Variants in KRT1 observed in about 807,000 individuals in gnomAD.
KRT1 encodes the protein keratin, type II cytoskeletal 1.
A neutral mutation model predicts 51.6 loss-of-function variants in KRT1; 28 were observed. The ratio of observed to expected loss-of-function variants is 0.54; its 90% CI spans 0.40 to 0.74. The LOEUF (loss-of-function observed/expected upper bound fraction) is 0.74. Ranked by LOEUF, KRT1 falls within the 30% of genes least tolerant of loss-of-function variation. KRT1 has a pLI of 0.00. For missense variants in KRT1, 783 were observed against 815.5 expected, an observed-to-expected ratio of 0.96 and a Z score of 0.49; for synonymous variants, 301 against 307.7, an observed-to-expected ratio of 0.98 and a Z score of 0.23.
chr12:52,677,972 G>A (rs79068886), intron 3 of KRT1, among the ~76,000 whole-genome samples, 191 bp downstream of exon 3: 2,903 of 152,230 alleles, frequency 0.019, 86 homozygotes, highest in African/African-American at 0.066. Context: ...GTAAGGTGCT[G>A]GGAAATATGG....
At position 52,674,891 on chromosome 12, in the gene KRT1, T is replaced by C; in HGVS notation, c.*302A>G. On this transcript the variant is annotated 3_prime_UTR_variant, in exon 9 of 9. Coordinates refer to ENST00000252244, the MANE Select transcript of KRT1 (RefSeq NM_006121.4). ...CTGTCCACACCCTGGGTCTAACTGG[T>C]CCTACTCTGGCTGGCTTAAGGAGGT... 3.7e-6 allele frequency: 2 copies of C among 541,694 alleles called. No individual in the cohort carries two copies. The highest frequency in any genetic ancestry group is 2.1e-5 in the South Asian group (1 of 48,646). The allele number at this position is 541,694 out of a possible 1,614,324, so 33.6% of individuals were successfully genotyped here.
intron 7 of KRT1, 124 bp from the exon 8 acceptor site, chr12:52,675,868 A>G (rs1282088445): frequency 8.9e-7 from 1 of 1,122,020 alleles, no homozygotes; most frequent in African/African-American, 1.5e-5. Flanking sequence ...TTAATCTGAA[A>G]CTTAATCCAA....
rs758763219 is a variant in KRT1 at position 52,677,052 on chromosome 12, C to T, written c.1254+7G>A. The T allele has an allele frequency of 2.5e-6, 4 of 1,612,528 alleles. No homozygotes were observed. In the East Asian group the frequency reaches 6.7e-5, roughly 27 times the overall value. ...ACAGCTGAGTGGTAGAAGGAGAAAG[C>T]ACATACCTGCTTCTTGACATTGTCG... is the stretch of plus-strand genomic sequence containing the variant. On this transcript the variant is annotated splice_region_variant and intron_variant, in intron 6 of 8. Transcript: ENST00000252244.
rs199877663 is a variant in KRT1 at position 52,676,401 on chromosome 12, G to C, written c.1349C>G (p.Ala450Gly). 2 of 1,614,162 alleles carry C rather than the reference G, an allele frequency of 1.2e-6. No homozygotes were observed. Among genetic ancestry groups the C allele is most frequent in the Admixed American group, 3.3e-5 (2 of 60,028 alleles). ...CAGGTCTTCCTTGGCCTGCTGCAGG[G>C]CATCCTCCAGGTCATTCAGCTTGTT... ...AKNKLNDLED[A>G]LQQAKEDLAR... The change falls in exon 7 of 9, where the codon GCC becomes GGC. Residue 450 changes from alanine (A) to glycine (G), a missense_variant. Ala to Gly is a moderately conservative substitution (Grantham distance 60, BLOSUM62 0). Transcript: ENST00000252244.
rs1941477786 is a variant in KRT1, at chr12:52,674,931, T to C, written c.*262A>G. The C allele has an allele frequency of 5.0e-6, 3 of 599,606 alleles. No individual in the cohort carries two copies. The highest frequency in any genetic ancestry group is 2.8e-5 in the Admixed American group (1 of 36,002). 37.1% of individuals were successfully genotyped at this position (599,606 alleles called of 1,614,324 possible). A position where few individuals can be genotyped will look rare whatever the true frequency, so the allele number is the denominator to read the frequency against. On this transcript the variant is annotated 3_prime_UTR_variant, in exon 9 of 9. Transcript: ENST00000252244. The stretch of plus-strand genomic sequence containing the variant: ...CTTAAGGAGGTGCTTTGAAATGTCA[T>C]GTGGGTGGTGGTCACTGCTGAACTG...
rs1941567191 is a variant in KRT1 at position 52,680,281 on chromosome 12, C to T, written c.68G>A (p.Gly23Glu). ...GGTCCTGCGCTGGTAGTTGATGATC[C>T]CAGCAGAGCCAGAGCTGAAGCCCCC... ...SGGGFSSGSAGIINYQRRTTS... is the reference protein window; with the variant it reads ...SGGGFSSGSAEIINYQRRTTS... The change falls in exon 1 of 9, where the codon GGG becomes GAG. Residue 23 changes from glycine to glutamate, a missense_variant. By Grantham distance (98) the Gly-to-Glu change is moderately conservative. Transcript: ENST00000252244. 6.2e-7 allele frequency: 1 copy of T among 1,614,166 alleles called. No individual in the cohort carries two copies. The highest frequency in any genetic ancestry group is 8.5e-7 in the Non-Finnish European group (1 of 1,180,028).
In KRT1 at chr12:52,678,545, T is replaced by C. The variant is rs776254130; in HGVS notation, c.803A>G (p.Asn268Ser). Residue 268 changes from asparagine (N) to serine (S), a missense_variant, in exon 2 of 9, where the codon AAC (asparagine) becomes AGC (serine). Physicochemically the swap from Asn to Ser is conservative, Grantham distance 46. Coordinates refer to ENST00000252244, the MANE Select transcript of KRT1 (RefSeq NM_006121.4). ...CTGCCCAGACAGGGTCCCTTACTTGTTCCGGTAATCCTCCACCATGTCCTG... is the reference window on the plus strand; with the variant it reads ...CTGCCCAGACAGGGTCCCTTACTTGCTCCGGTAATCCTCCACCATGTCCTG... ...NMQDMVEDYR[N>S]KYEDEINKRT... 6.2e-7 allele frequency: 1 copy of C among 1,614,232 alleles called. No individual in the cohort carries two copies. Among genetic ancestry groups the C allele is most frequent in the South Asian group, 1.1e-5 (1 of 91,090 alleles).
At chr12:52,677,803 T>TGAGAGGG in intron 3 of KRT1, 58 bp from the exon 4 acceptor site, 2 of 1,397,966 alleles carry the variant, frequency 1.4e-6, no homozygotes, top group Non-Finnish European at 2.0e-6. Context: ...TCCCTCTCAT[T>TGAGAGGG]ACCTGTGAGG....
rs1490133043 is a variant in KRT1, at chr12:52,680,100, T to G, written c.249A>C (p.Gly83=). Residue 83 remains glycine, a synonymous_variant, in exon 1 of 9, where the codon GGA becomes GGC. Coordinates refer to ENST00000252244, the MANE Select transcript of KRT1 (RefSeq NM_006121.4). ...CACCAAAGCCACTACCACGTCCACC[T>G]CCTCTAGCCACACTTATGGAGATGC... The part of the protein sequence containing the change: ...SKSISISVAR[G]GGRGSGFGGG... 2.6e-6 allele frequency: 4 copies of G among 1,558,538 alleles called. No homozygotes were observed. Among genetic ancestry groups the G allele is most frequent in the Non-Finnish European group, 3.5e-6 (4 of 1,151,342 alleles).
In KRT1 at chr12:52,680,016, T is replaced by TCCACCAAAGCCACCA. The variant is rs527241748; in HGVS notation, c.318_332dup (p.Phe109_Gly113dup). The TCCACCAAAGCCACCA allele has an allele frequency of 5.2e-5, 80 of 1,550,180 alleles. No homozygotes were observed. Among genetic ancestry groups the TCCACCAAAGCCACCA allele is most frequent in the Admixed American group, 1.6e-4 (8 of 50,470 alleles). The stretch of plus-strand genomic sequence containing the variant: ...CAAAGCCACCACCCCCAATGCCACC[T>TCCACCAAAGCCACCA]CCACCAAAGCCACCACCACCAAAGC... On this transcript the variant is annotated inframe_insertion, in exon 1 of 9. Transcript: ENST00000252244.
chr12:52,678,596 C>A lies in KRT1; in HGVS notation c.752G>T (p.Arg251Leu). Residue 251 changes from arginine to leucine, a missense_variant, in exon 2 of 9, where the codon CGG becomes CTG. Coordinates refer to ENST00000252244, the MANE Select transcript of KRT1 (RefSeq NM_006121.4). ...RVDQLKSDQS[R>L]LDSELKNMQD... is the part of the protein sequence containing the mutation. ...CATGTTCTTCAGTTCCGAATCCAACCGAGATTGATCACTCTTCAGTTGGTC... is the reference window on the plus strand; with the variant it reads ...CATGTTCTTCAGTTCCGAATCCAACAGAGATTGATCACTCTTCAGTTGGTC... The A allele has an allele frequency of 6.2e-7, 1 of 1,614,216 alleles. No homozygotes were observed. The highest frequency in any genetic ancestry group is 8.5e-7 in the Non-Finnish European group (1 of 1,180,038).
rs1592264473 is a variant in KRT1, at chr12:52,675,589, A to G, written c.1539T>C (p.Ser513=). The part of the protein sequence containing the change: ...VSVSTSHTTI[S]GGGSRGGGGG... ...CGCCACCTCCTCGGCTGCCACCTCC[A>G]CTGATGGTGGTGTGGCTTGTGCTCA... Residue 513 remains serine, a synonymous_variant, in exon 9 of 9, where the codon AGT becomes AGC. Transcript: ENST00000252244. 1 of 1,613,882 alleles carries G rather than the reference A, an allele frequency of 6.2e-7. No homozygotes were observed. Among genetic ancestry groups the G allele is most frequent in the African/African-American group, 1.3e-5 (1 of 74,874 alleles).
rs77522048 is a variant in KRT1, at chr12:52,677,246, T to C, written c.1129-62A>G. The stretch of plus-strand genomic sequence containing the variant: ...GAACTCAGCATGGCACAGGCACACA[T>C]ACATGAGATAACACAGGATAGCAAG... On this transcript the variant is annotated intron_variant, in intron 5 of 8. Coordinates refer to ENST00000252244, the MANE Select transcript of KRT1 (RefSeq NM_006121.4). 5,661 of 1,614,108 alleles carry C rather than the reference T, an allele frequency of 3.5e-3. 176 individuals carry two copies. The African/African-American group carries it at 0.066, about 19-fold the overall frequency.
Position 52,679,903 on chromosome 12 carries a change from G to C in KRT1, c.446C>G (p.Pro149Arg). 9.9e-6 allele frequency: 16 copies of C among 1,613,952 alleles called. No individual in the cohort carries two copies. The highest frequency in any genetic ancestry group is 1.4e-5 in the Non-Finnish European group (16 of 1,179,966). Residue 149 changes from proline to arginine, a missense_variant, in exon 1 of 9, where the codon CCT becomes CGT. Coordinates refer to ENST00000252244, the MANE Select transcript of KRT1 (RefSeq NM_006121.4). Reference protein sequence around the residue: ...YGGGYGPVCPPGGIQEVTINQ... With the variant: ...YGGGYGPVCPRGGIQEVTINQ... Reference sequence around the variant, plus strand: ...GATAGTGACTTCTTGTATGCCACCAGGAGGGCAGACAGGACCATAACCACC... The same window carrying C: ...GATAGTGACTTCTTGTATGCCACCACGAGGGCAGACAGGACCATAACCACC...
In KRT1 at chr12:52,679,967, C is replaced by T. The variant is rs573159240; in HGVS notation, c.382G>A (p.Gly128Ser). Residue 128 changes from glycine (G) to serine (S), a missense_variant, in exon 1 of 9, where the codon GGT becomes AGT. Physicochemically the swap from Gly to Ser is moderately conservative, Grantham distance 56. Coordinates refer to ENST00000252244, the MANE Select transcript of KRT1 (RefSeq NM_006121.4). ...CCCCCAAAGCCACCTCCACCAAAAC[C>T]ACCACCACCACTGCCAAAACCACCA... ...GFGGFGSGGG[G>S]FGGGGFGGGG... 6.2e-7 allele frequency: 1 copy of T among 1,610,460 alleles called. No individual in the cohort carries two copies. Among genetic ancestry groups the T allele is most frequent in the East Asian group, 2.2e-5 (1 of 44,800 alleles).
Position 52,680,081 on chromosome 12 carries a change from A to C in KRT1, c.268T>G (p.Phe90Val). ...VARGGGRGSG[F>V]GGGYGGGGFG... is the part of the protein sequence containing the mutation. The stretch of plus-strand genomic sequence containing the variant: ...CCACCACCACCATAACCACCACCAA[A>C]GCCACTACCACGTCCACCTCCTCTA... The change falls in exon 1 of 9, where the codon TTT (phenylalanine) becomes GTT (valine). Residue 90 changes from phenylalanine to valine, a missense_variant. Transcript: ENST00000252244. 6.4e-7 allele frequency: 1 copy of C among 1,555,278 alleles called. No individual in the cohort carries two copies. The highest frequency in any genetic ancestry group is 8.7e-7 in the Non-Finnish European group (1 of 1,149,420).
intron 1 of KRT1, among the ~76,000 whole-genome samples, chr12:52,679,463 T>C (rs1472699113): frequency 2.6e-5 from 4 of 152,188 alleles, no homozygotes; most frequent in Non-Finnish European, 4.4e-5. Flanking sequence ...ATTTCTATTA[T>C]CTTCATTCAA....
Position 52,678,495 on chromosome 12 carries a change from A to G in KRT1, c.806+47T>C, listed in dbSNP as rs749001815. 3.8e-6 allele frequency: 6 copies of G among 1,572,570 alleles called. No individual in the cohort carries two copies. The South Asian group carries it at 4.4e-5, about 12-fold the overall frequency. ...TGATCTTAGCTTATTACTTTCTGGA[A>G]CTCTTTTACAGCAAAAGTTAAGAAC... On this transcript the variant is annotated intron_variant, in intron 2 of 8. Transcript: ENST00000252244.
rs1192008626 is a variant in KRT1, at chr12:52,676,950, T to C, written c.1254+109A>G. The C allele has an allele frequency of 7.1e-6, 10 of 1,406,372 alleles. No homozygotes were observed. The East Asian group carries it at 2.3e-4, about 32-fold the overall frequency. The allele number at this position is 1,406,372 out of a possible 1,614,324, so 87.1% of individuals were successfully genotyped here. A position where few individuals can be genotyped will look rare whatever the true frequency, so the allele number is the denominator to read the frequency against. On this transcript the variant is annotated intron_variant, in intron 6 of 8. Coordinates refer to ENST00000252244, the MANE Select transcript of KRT1 (RefSeq NM_006121.4). ...TCACAAAAGGAACCAGGGATAATAA[T>C]GTAGCCTTGGGATGAATTGCAAGAT...
Sources: allele counts gnomAD v4.1 joint callset (sites outside exome capture counted in the v4.1 genomes callset), GRCh38; gene constraint gnomAD v4.1.1; transcripts MANE v1.5; gene names NCBI Gene and HGNC (gene_info 2026-07-23, HGNC 2026-07-21).